Variants in ELANE observed in about 807,000 individuals in gnomAD.
ELANE encodes neutrophil elastase.
In ELANE, 12 loss-of-function variants were observed where a neutral mutation model predicts 20.6. The ratio of observed to expected loss-of-function variants is 0.58; its 90% confidence interval spans 0.37 to 0.94. The LOEUF is 0.94. ELANE is among the 40% of genes least tolerant of loss of function. The pLI is 0.01. For missense variants in ELANE, 388 were observed against 395.2 expected (o/e 0.98, Z 0.15); for synonymous variants, 203 against 177.4 (o/e 1.14, Z -1.15).
In ELANE at chr19:852,881, G is replaced by A; in HGVS notation, c.73G>A (p.Ala25Thr). 1 of 1,595,606 alleles carries A rather than the reference G, an allele frequency of 6.3e-7. No homozygotes were observed. Among genetic ancestry groups the A allele is most frequent in the Non-Finnish European group, 8.5e-7 (1 of 1,177,068 alleles). The change falls in exon 2 of 5, where the codon GCG (alanine) becomes ACG (threonine). Residue 25 changes from alanine to threonine, a missense_variant. Ala to Thr is a moderately conservative substitution (Grantham distance 58). Coordinates refer to ENST00000263621, the MANE Select transcript of ELANE (RefSeq NM_001972.4). ...VLPALLLGGT[A>T]LASEIVGGRR... ...CGCACCCGGTGTGTCCCCAGGCACC[G>A]CGCTGGCCTCGGAGATTGTGGGGGG...
In ELANE at chr19:855,810, G is replaced by A; in HGVS notation, c.597+16G>A. 1 of 1,607,802 alleles carries A rather than the reference G, an allele frequency of 6.2e-7. No homozygotes were observed. The highest frequency in any genetic ancestry group is 8.5e-7 in the Non-Finnish European group (1 of 1,179,756). On this transcript the variant is annotated intron_variant, in intron 4 of 4. Coordinates refer to ENST00000263621, the MANE Select transcript of ELANE (RefSeq NM_001972.4). This position sits in a 1 kb window ranked among gnomAD's most constrained non-coding sequence, Gnocchi z 6.2. Reference sequence around the variant, plus strand: ...CGTCTGTTTCGTACGTGCCCTGGGTGTCCCTCTGCTCCCCACCCGCTCCCA... The same window carrying A: ...CGTCTGTTTCGTACGTGCCCTGGGTATCCCTCTGCTCCCCACCCGCTCCCA...
chr19:853,494 C>T (rs920692630), intron 3 of ELANE, 91 bp downstream of exon 3: 3 of 1,457,120 alleles, frequency 2.1e-6, no homozygotes, highest in Non-Finnish European at 9.3e-7. Flanking sequence ...CGGGGCCGCT[C>T]GTGGGGACCT....
At chr19:853,533 C>A in intron 3 of ELANE, 130 bp downstream of exon 3, 1 of 1,071,172 alleles carries the variant, frequency 9.3e-7, no homozygotes, top group Non-Finnish European at 1.3e-6. Flanking sequence ...GGGTGGTCCC[C>A]TCTCCGCGCC....
At position 855,133 on chromosome 19, in the gene ELANE, G is replaced by A. The variant is rs57941267; in HGVS notation, c.367-431G>A. On this transcript the variant is annotated intron_variant, in intron 3 of 4. Coordinates refer to ENST00000263621, the MANE Select transcript of ELANE (RefSeq NM_001972.4). The surrounding 1 kb of genome is among the most constrained non-coding windows in gnomAD (Gnocchi z 6.2). ...CTCCCAAAATGCTGGGATTATAGGC[G>A]TGAGCCACCGCACCTGGCAATTTTT... is the stretch of plus-strand genomic sequence containing the variant. 0.045 allele frequency among the ~76,000 whole-genome samples: 6,879 copies of A among 152,100 alleles called. 297 individuals are homozygous for A. Among genetic ancestry groups the A allele is most frequent in the East Asian group, 0.21 (1,074 of 5,168 alleles).
At chr19:853,502 C>G (rs920228426) in intron 3 of ELANE, 99 bp downstream of exon 3, 2 of 1,413,860 alleles carry the variant, frequency 1.4e-6, no homozygotes, top group East Asian at 5.1e-5. Context: ...CTCGTGGGGA[C>G]CTGGGGTGGC....
chr19:853,555 C>T (rs1273526064), intron 3 of ELANE, 152 bp downstream of exon 3: 22 of 931,040 alleles, frequency 2.4e-5, no homozygotes, highest in Non-Finnish European at 2.1e-5. Flanking sequence ...CGGTCTGCAC[C>T]TCTGTGAAAC....
At position 852,727 on chromosome 19, in the gene ELANE, C is replaced by A. The variant is rs17223010; in HGVS notation, c.68-149C>A. ...ATCTGAACAACAGGGGTGCGAACGG[C>A]CCCGATCCCGTGGGTTCCCGGTGGG... is the stretch of plus-strand genomic sequence containing the variant. On this transcript the variant is annotated intron_variant, in intron 1 of 4. Coordinates refer to ENST00000263621, the MANE Select transcript of ELANE (RefSeq NM_001972.4). 4.1e-6 allele frequency: 5 copies of A among 1,233,492 alleles called. No individual in the cohort carries two copies. In the Admixed American group the frequency reaches 1.4e-4, roughly 33 times the overall value. The allele number at this position is 1,233,492 out of a possible 1,614,324, so 76.4% of individuals were successfully genotyped here.
chr19:853,387 A>G lies in ELANE; in HGVS notation c.350A>G (p.Asp117Gly), dbSNP rs776922618. 1.2e-6 allele frequency: 2 copies of G among 1,609,724 alleles called. No homozygotes were observed. Among genetic ancestry groups the G allele is most frequent in the Admixed American group, 1.7e-5 (1 of 59,794 alleles). ...TACGACCCCGTAAACTTGCTCAACG[A>G]CATCGTGATTCTCCAGGTGCCGCCG... ...NGYDPVNLLN[D>G]IVILQLNGSA... Residue 117 changes from aspartate (D) to glycine (G), a missense_variant, in exon 3 of 5, where the codon GAC becomes GGC. Around this residue, in one of 3 missense-constraint regions of ELANE, gnomAD observed 321 missense variants for 309.8 expected, o/e 1.04. Transcript: ENST00000263621.
chr19:856,074 T>C lies in ELANE; in HGVS notation c.714T>C (p.Phe238=). 6.2e-7 allele frequency: 1 copy of C among 1,613,426 alleles called. No homozygotes were observed. Among genetic ancestry groups the C allele is most frequent in the Non-Finnish European group, 8.5e-7 (1 of 1,180,034 alleles). The change falls in exon 5 of 5, where the codon TTT becomes TTC. Residue 238 remains phenylalanine, a synonymous_variant. Transcript: ENST00000263621. ...YPDAFAPVAQ[F]VNWIDSIIQR... is the part of the protein sequence containing the mutation. ...ATGCCTTTGCCCCGGTGGCACAGTTTGTAAACTGGATCGACTCTATCATCC... is the reference window on the plus strand; with the variant it reads ...ATGCCTTTGCCCCGGTGGCACAGTTCGTAAACTGGATCGACTCTATCATCC...
Position 855,443 on chromosome 19 carries a change from C to G in ELANE, c.367-121C>G. Reference sequence around the variant, plus strand: ...GGGAGCAGAGTGTGGGGTGGGTATCCTGCCCTGCAGGATCCCAGAACCACA... The same window carrying G: ...GGGAGCAGAGTGTGGGGTGGGTATCGTGCCCTGCAGGATCCCAGAACCACA... On this transcript the variant is annotated intron_variant, in intron 3 of 4. Transcript: ENST00000263621. This position sits in a 1 kb window ranked among gnomAD's most constrained non-coding sequence, Gnocchi z 6.2. The G allele has an allele frequency of 1.8e-6, 2 of 1,136,548 alleles. No individual in the cohort carries two copies. Among genetic ancestry groups the G allele is most frequent in the Non-Finnish European group, 1.3e-6 (1 of 783,556 alleles). The allele number at this position is 1,136,548 out of a possible 1,614,324, so 70.4% of individuals were successfully genotyped here. A position where few individuals can be genotyped will look rare whatever the true frequency, so the allele number is the denominator to read the frequency against.
In ELANE at chr19:855,594, GT is replaced by G; in HGVS notation, c.398del (p.Val133GlyfsTer42). The G allele has an allele frequency of 6.2e-7, 1 of 1,600,846 alleles. No homozygotes were observed. Among genetic ancestry groups the G allele is most frequent in the Non-Finnish European group, 8.5e-7 (1 of 1,179,804 alleles). ...CGGGTCGGCCACCATCAACGCCAAC[GT>G]GCAGGTGGCCCAGCTGCCGGCTCAG... is the stretch of plus-strand genomic sequence containing the variant. Reference protein sequence around the residue: ...LNGSATINANVQVAQLPAQGR... With the variant: ...LNGSATINANXQVAQLPAQGR... On this transcript the variant is annotated frameshift_variant, in exon 4 of 5. Coordinates refer to ENST00000263621, the MANE Select transcript of ELANE (RefSeq NM_001972.4). LOFTEE classifies it high-confidence loss of function. This position sits in a 1 kb window ranked among gnomAD's most constrained non-coding sequence, Gnocchi z 6.2.
At chr19:852,782 C>T (rs2035614163) in intron 1 of ELANE, 94 bp from the exon 2 acceptor site, 6 of 1,474,474 alleles carry the variant, frequency 4.1e-6, no homozygotes, top group South Asian at 1.3e-5. Flanking sequence ...TGGGGGATCC[C>T]GTGGGTTCCT....
intron 2 of ELANE, 70 bp from the exon 3 acceptor site, chr19:853,192 G>A: frequency 6.6e-7 from 1 of 1,514,710 alleles, no homozygotes; most frequent in East Asian, 2.6e-5. Flanking sequence ...CGCCGGATGG[G>A]GACGACAAGG....
intron 3 of ELANE, among the ~76,000 whole-genome samples, chr19:854,707 A>G (rs1477264205): frequency 4.1e-5 from 6 of 146,214 alleles, no homozygotes; most frequent in African/African-American, 1.2e-4. Flanking sequence ...AATAAAATAT[A>G]TAATATTTAT....
At position 855,983 on chromosome 19, in the gene ELANE, G is replaced by A. The variant is rs1226645940; in HGVS notation, c.623G>A (p.Cys208Tyr). The A allele has an allele frequency of 1.2e-6, 2 of 1,613,272 alleles. No individual in the cohort carries two copies. The highest frequency in any genetic ancestry group is 1.7e-6 in the Non-Finnish European group (2 of 1,180,056). The change falls in exon 5 of 5, where the codon TGC becomes TAC. Residue 208 changes from cysteine (C) to tyrosine (Y), a missense_variant. Physicochemically the swap from Cys to Tyr is radical, Grantham distance 194 (BLOSUM62 -2). Around this residue, in one of 3 missense-constraint regions of ELANE, gnomAD observed 321 missense variants for 309.8 expected, o/e 1.04. Coordinates refer to ENST00000263621, the MANE Select transcript of ELANE (RefSeq NM_001972.4). This position sits in a 1 kb window ranked among gnomAD's most constrained non-coding sequence, Gnocchi z 6.2. ...CFGDSGSPLV[C>Y]NGLIHGIASF... Reference sequence around the variant, plus strand: ...GGGGACTCCGGCAGCCCCTTGGTCTGCAACGGGCTAATCCACGGAATTGCC... The same window carrying A: ...GGGGACTCCGGCAGCCCCTTGGTCTACAACGGGCTAATCCACGGAATTGCC...
Position 852,391 on chromosome 19 carries a change from G to C in ELANE, c.63G>C (p.Leu21=). 1.2e-6 allele frequency: 2 copies of C among 1,610,926 alleles called. No homozygotes were observed. The highest frequency in any genetic ancestry group is 1.1e-5 in the South Asian group (1 of 90,908). The change falls in exon 1 of 5, where the codon CTG becomes CTC. Residue 21 remains leucine (L), a synonymous_variant. Coordinates refer to ENST00000263621, the MANE Select transcript of ELANE (RefSeq NM_001972.4). ...CCTGTGTCCTGCCGGCCTTGCTGCT[G>C]GGGGGTGAGTTTTTGAGTCCAACCT... ...FLACVLPALL[L]GGTALASEIV... is the part of the protein sequence containing the mutation.
Position 855,976 on chromosome 19 carries a change from T to C in ELANE, c.616T>C (p.Leu206=). 1 of 1,613,332 alleles carries C rather than the reference T, an allele frequency of 6.2e-7. No individual in the cohort carries two copies. Among genetic ancestry groups the C allele is most frequent in the Non-Finnish European group, 8.5e-7 (1 of 1,180,028 alleles). ...GVCFGDSGSP[L]VCNGLIHGIA... ...TCCACAGGGGGACTCCGGCAGCCCCTTGGTCTGCAACGGGCTAATCCACGG... is the reference window on the plus strand; with the variant it reads ...TCCACAGGGGGACTCCGGCAGCCCCCTGGTCTGCAACGGGCTAATCCACGG... Residue 206 remains leucine (L), a synonymous_variant, in exon 5 of 5, where the codon TTG becomes CTG. Coordinates refer to ENST00000263621, the MANE Select transcript of ELANE (RefSeq NM_001972.4). The surrounding 1 kb of genome is among the most constrained non-coding windows in gnomAD (Gnocchi z 6.2).
intron 1 of ELANE, 117 bp from the exon 2 acceptor site, chr19:852,759 C>T (rs1380464952): frequency 4.9e-6 from 7 of 1,422,668 alleles, no homozygotes; most frequent in Non-Finnish European, 5.6e-6. Context: ...TGGGGGATCC[C>T]GTGGGTTCCC....
chr19:855,003 G>A lies in ELANE; in HGVS notation c.367-561G>A, dbSNP rs951853019. Among the ~76,000 whole-genome samples, 9 of 151,580 alleles carry A rather than the reference G, an allele frequency of 5.9e-5. No individual in the cohort carries two copies. The highest frequency in any genetic ancestry group is 1.7e-4 in the African/African-American group (7 of 41,346). On this transcript the variant is annotated intron_variant, in intron 3 of 4. Transcript: ENST00000263621. This position sits in a 1 kb window ranked among gnomAD's most constrained non-coding sequence, Gnocchi z 6.2. ...CAGGTAGCTGGGACTACAGGCGCCC[G>A]CCACCACGCCTGGCTAATTTTTGGT...
Sources: allele counts gnomAD v4.1 joint callset (sites outside exome capture counted in the v4.1 genomes callset), GRCh38; gene constraint gnomAD v4.1.1; regional missense constraint gnomAD v4.1.1; non-coding constraint Gnocchi (gnomAD v3.1); transcripts MANE v1.5; gene names NCBI Gene and HGNC (gene_info 2026-07-23, HGNC 2026-07-21).